Variants in SND1 observed in about 807,000 individuals in gnomAD.
The protein encoded by SND1 is staphylococcal nuclease and tudor domain containing 1.
A neutral mutation model predicts 121.7 loss-of-function variants in SND1; 38 were observed. The observed-to-expected ratio is 0.31, with a 90% CI of 0.24 to 0.41. The LOEUF (loss-of-function observed/expected upper bound fraction) is 0.41. Ranked by LOEUF, SND1 falls within the 10% of genes least tolerant of loss-of-function variation. The probability of loss-of-function intolerance (pLI) is 1.00; values close to 1 mark genes in which losing one functional copy is unlikely to be tolerated. For synonymous variants in SND1, 401 were observed against 447.4 expected (o/e 0.90, Z 1.31); for missense variants, 868 against 1,184.6 (o/e 0.73, Z 3.92).
At chr7:127,897,324 C>T (rs1252004924) in intron 13 of SND1, among the ~76,000 whole-genome samples, 1 of 152,114 alleles carries the variant, frequency 6.6e-6, no homozygotes, top group Non-Finnish European at 1.5e-5. Flanking sequence ...AACATTGTCA[C>T]AGAATTGTTG....
At chr7:128,030,055 A>C in intron 16 of SND1, 1 of 1,613,314 alleles carries the variant, frequency 6.2e-7, no homozygotes, top group Non-Finnish European at 8.5e-7. Context: ...TTGAGGTTGA[A>C]CAGCCCCTCA....
At chr7:127,823,869 C>T (rs1042912835) in intron 11 of SND1, among the ~76,000 whole-genome samples, 1 of 151,978 alleles carries the variant, frequency 6.6e-6, no homozygotes, top group Non-Finnish European at 1.5e-5. Flanking sequence ...TATTTCTAAT[C>T]CCATAGGTAG....
At chr7:128,072,675 G>A (rs1328250634) in intron 16 of SND1, among the ~76,000 whole-genome samples, 2 of 149,566 alleles carry the variant, frequency 1.3e-5, no homozygotes, top group South Asian at 2.2e-4. Context: ...CACTACCCCC[G>A]CCACCTCCCC....
At chr7:127,871,511 G>A (rs532593056) in intron 12 of SND1, among the ~76,000 whole-genome samples, 17 of 152,216 alleles carry the variant, frequency 1.1e-4, no homozygotes, top group South Asian at 6.2e-4. Flanking sequence ...ATCCACCTGC[G>A]TATATGTGCT....
chr7:127,701,681 A>G (rs909130049), intron 5 of SND1, among the ~76,000 whole-genome samples: 3 of 152,172 alleles, frequency 2.0e-5, no homozygotes, highest in African/African-American at 7.2e-5. Flanking sequence ...AGATACGGTC[A>G]TGCTTCATTG....
At chr7:127,941,598 G>A (rs943462706) in intron 15 of SND1, among the ~76,000 whole-genome samples, 8 of 152,098 alleles carry the variant, frequency 5.3e-5, no homozygotes, top group Non-Finnish European at 7.3e-5. Flanking sequence ...TTTTAAATTG[G>A]AACATGGTGT....
intron 10 of SND1, among the ~76,000 whole-genome samples, chr7:127,779,027 A>G (rs543346642): frequency 1.4e-4 from 21 of 152,352 alleles, no homozygotes; most frequent in African/African-American, 4.6e-4. Context: ...TGCCTTAACA[A>G]ATACCGTGTT....
intron 10 of SND1, among the ~76,000 whole-genome samples, chr7:127,790,975 C>A (rs1797898488): frequency 6.6e-6 from 1 of 152,112 alleles, no homozygotes; most frequent in Non-Finnish European, 1.5e-5. Flanking sequence ...GGCTAGCATG[C>A]TTGATTGTTA....
At chr7:127,989,284 G>A (rs1802466254) in intron 15 of SND1, among the ~76,000 whole-genome samples, 1 of 152,220 alleles carries the variant, frequency 6.6e-6, no homozygotes, top group African/African-American at 2.4e-5. Context: ...GTCACCTCAA[G>A]CTGCTGTCCT....
intron 10 of SND1, among the ~76,000 whole-genome samples, chr7:127,797,923 C>T (rs975769335): frequency 7.9e-5 from 12 of 152,302 alleles, no homozygotes; most frequent in South Asian, 6.2e-4. Flanking sequence ...GCTATTTCCT[C>T]CCCATCCTTC....
intron 16 of SND1, chr7:128,030,307 G>T: frequency 1.9e-6 from 3 of 1,614,122 alleles, no homozygotes; most frequent in Middle Eastern, 3.3e-4. Context: ...TCAATCTGCC[G>T]GATGGAGTTC....
At chr7:127,890,476 G>A (rs1221612715) in intron 13 of SND1, among the ~76,000 whole-genome samples, 1 of 152,092 alleles carries the variant, frequency 6.6e-6, no homozygotes. Context: ...GGCATATTCA[G>A]CCCAATCTGA....
chr7:127,686,973 T>C (rs1258209479), intron 2 of SND1: 1 of 486,028 alleles, frequency 2.1e-6, no homozygotes. Flanking sequence ...TAGAGCTTTT[T>C]CTTGTACCTT....
intron 12 of SND1, among the ~76,000 whole-genome samples, chr7:127,875,930 C>G (rs951984314): frequency 2.6e-5 from 4 of 152,120 alleles, no homozygotes; most frequent in Non-Finnish European, 4.4e-5. Flanking sequence ...TTTTCACTTA[C>G]AAGCTTTGTA....
intron 16 of SND1, among the ~76,000 whole-genome samples, chr7:128,016,785 G>A (rs1231222539): frequency 6.6e-6 from 1 of 151,242 alleles, no homozygotes; most frequent in African/African-American, 2.4e-5. Context: ...TTCTCTTCCT[G>A]TTACAATTGT....
intron 9 of SND1, among the ~76,000 whole-genome samples, chr7:127,712,361 G>T (rs756668002): frequency 6.6e-6 from 1 of 152,108 alleles, no homozygotes. Flanking sequence ...GTCTCCCTAT[G>T]TTGCCCAGGC....
intron 16 of SND1, among the ~76,000 whole-genome samples, chr7:128,034,942 T>C (rs1792720243): frequency 6.6e-6 from 1 of 152,226 alleles, no homozygotes; most frequent in Non-Finnish European, 1.5e-5. Flanking sequence ...GGATTTGGAA[T>C]GGTGCCACCA....
Position 128,029,659 on chromosome 7 carries a change from G to A in SND1, c.1779+38603G>A, listed in dbSNP as rs752441055. On this transcript the variant is annotated intron_variant, in intron 16 of 23. Transcript: ENST00000354725. The surrounding 1 kb of genome is among the most constrained non-coding windows in gnomAD (Gnocchi z 4.2). ...CGCATGTGCATGGGAGCATGACAGC[G>A]GCCACAGCAGGTGGAATTGGTGGGT... is the stretch of plus-strand genomic sequence containing the variant. 2.5e-6 allele frequency: 4 copies of A among 1,613,774 alleles called. No homozygotes were observed. The highest frequency in any genetic ancestry group is 1.7e-5 in the Admixed American group (1 of 59,986).
rs1252426154 is a variant in SND1, at chr7:127,863,163, A to G, written c.1343+18739A>G. On this transcript the variant is annotated intron_variant, in intron 12 of 23. Coordinates refer to ENST00000354725, the MANE Select transcript of SND1 (RefSeq NM_014390.4). ...GTGACCGCCAACATATATAATGCTT[A>G]CTGTGCGCCAGGCACTATCTAAATG... Among the ~76,000 whole-genome samples, 8 of 152,332 alleles carry G rather than the reference A, an allele frequency of 5.3e-5. No homozygotes were observed. The East Asian group carries it at 1.5e-3, about 29-fold the overall frequency.
Sources: allele counts gnomAD v4.1 joint callset (sites outside exome capture counted in the v4.1 genomes callset), GRCh38; gene constraint gnomAD v4.1.1; non-coding constraint Gnocchi (gnomAD v3.1); transcripts MANE v1.5; gene names NCBI Gene and HGNC (gene_info 2026-07-23, HGNC 2026-07-21).